Variants in PRDM16 observed in about 807,000 individuals in gnomAD.
The protein encoded by PRDM16 is histone-lysine N-methyltransferase PRDM16.
In PRDM16, 23 loss-of-function variants were observed where a neutral mutation model predicts 110.6. That is an observed-to-expected ratio of 0.21 (90% CI 0.15 to 0.29). The LOEUF is 0.29. Ranked by LOEUF, PRDM16 falls within the 10% of genes least tolerant of loss-of-function variation. The pLI, the probability that PRDM16 is intolerant of heterozygous loss-of-function variation, is 1.00. For synonymous variants in PRDM16, 799 were observed against 781.8 expected, an observed-to-expected ratio of 1.02 and a Z score of -0.37; for missense variants, 1,615 against 1,794.3, an observed-to-expected ratio of 0.90 and a Z score of 1.81.
At chr1:3,124,428 C>T (rs984554882) in intron 1 of PRDM16, among the ~76,000 whole-genome samples, 1 of 152,186 alleles carries the variant, frequency 6.6e-6, no homozygotes, top group African/African-American at 2.4e-5. Context: ...CCTCTGCTCC[C>T]GTGGCCTCTA....
intron 2 of PRDM16, among the ~76,000 whole-genome samples, chr1:3,225,569 T>TGCGCGCGCGCGC (rs1431851886): frequency 8.2e-6 from 1 of 121,642 alleles, no homozygotes; most frequent in African/African-American, 3.8e-5. Context: ...TGTGTGTGTG[T>TGCGCGCGCGCGC]GTGTGCGCGC....
intron 10 of PRDM16, among the ~76,000 whole-genome samples, chr1:3,415,403 C>T (rs760630904): frequency 2.8e-4 from 42 of 152,356 alleles, no homozygotes; most frequent in Non-Finnish European, 5.0e-4. Flanking sequence ...CAGACCAGAC[C>T]GGGGCATTGT....
rs865919145 is a variant in PRDM16, at chr1:3,277,735, A to G, written c.438+33598A>G. 7.3e-4 allele frequency among the ~76,000 whole-genome samples: 104 copies of G among 142,276 alleles called. 1 individual carries two copies. Among genetic ancestry groups the G allele is most frequent in the Non-Finnish European group, 7.8e-4 (52 of 66,578 alleles). The allele number at this position is 142,276 out of a possible 152,430, so 93.3% of individuals were successfully genotyped here. A position where few individuals can be genotyped will look rare whatever the true frequency, so the allele number is the denominator to read the frequency against. On this transcript the variant is annotated intron_variant, in intron 3 of 16. Transcript: ENST00000270722. ...CCCACATGCACACACACACGCGCGC[A>G]CACACGCACACGCACACACATGCAC...
At chr1:3,335,631 A>ACACACACACACC (rs1553165017) in intron 3 of PRDM16, among the ~76,000 whole-genome samples, 34 of 151,964 alleles carry the variant, frequency 2.2e-4, no homozygotes, top group African/African-American at 8.2e-4. Context: ...ACACACACAC[A>ACACACACACACC]CACACACACA....
Position 3,209,087 on chromosome 1 carries a change from T to C in PRDM16, c.387+22613T>C, listed in dbSNP as rs918482580. On this transcript the variant is annotated intron_variant, in intron 2 of 16. Coordinates refer to ENST00000270722, the MANE Select transcript of PRDM16 (RefSeq NM_022114.4). The surrounding 1 kb of genome is among the most constrained non-coding windows in gnomAD (Gnocchi z 4.6). ...AATTCAGAAGGAGCTCAGAAGGGAA[T>C]GCCCTGTGCCAACCTAAACCTGGGG... is the stretch of plus-strand genomic sequence containing the variant. Among the ~76,000 whole-genome samples, 1 of 152,202 alleles carries C rather than the reference T, an allele frequency of 6.6e-6. No homozygotes were observed. The highest frequency in any genetic ancestry group is 2.4e-5 in the African/African-American group (1 of 41,448).
chr1:3,087,959 G>A (rs370860832), intron 1 of PRDM16, among the ~76,000 whole-genome samples: 10 of 151,978 alleles, frequency 6.6e-5, no homozygotes, highest in African/African-American at 7.2e-5. Context: ...TCCGTCCCCC[G>A]AGACACCCCT....
chr1:3,202,573 G>A (rs1638656414), intron 2 of PRDM16, among the ~76,000 whole-genome samples: 1 of 152,220 alleles, frequency 6.6e-6, no homozygotes, highest in South Asian at 2.1e-4. Flanking sequence ...GTCCCCTTAA[G>A]GGTCTGCAGG....
rs1642525572 is a variant in PRDM16, at chr1:3,353,026, A to G, written c.439-32126A>G. Among the ~76,000 whole-genome samples the G allele has an allele frequency of 3.3e-5, 5 of 152,176 alleles. No individual in the cohort carries two copies. In the South Asian group the frequency reaches 1.0e-3, roughly 31 times the overall value. ...CCGGTTGGGCTGAGGGCTGTTTCAG[A>G]GCAGTGCCCTGAGGAGGACCAGGCC... On this transcript the variant is annotated intron_variant, in intron 3 of 16. Coordinates refer to ENST00000270722, the MANE Select transcript of PRDM16 (RefSeq NM_022114.4). The surrounding 1 kb of genome is among the most constrained non-coding windows in gnomAD (Gnocchi z 5.4).
intron 3 of PRDM16, among the ~76,000 whole-genome samples, chr1:3,341,061 GCCCCCTGAGCCCTCGTTTCTC>G (rs368493588): frequency 0.023 from 3,052 of 130,880 alleles, 103 homozygotes; most frequent in African/African-American, 0.074. Context: ...CCAAGTTGCT[GCCCCCTGAGCCCTCGTTTCTC>G]CCCCTCTGAG....
intron 3 of PRDM16, among the ~76,000 whole-genome samples, chr1:3,319,342 G>A (rs906441783): frequency 2.0e-5 from 3 of 152,214 alleles, no homozygotes; most frequent in South Asian, 4.1e-4. Context: ...GGGCAAAAAG[G>A]TCACTGTTTT....
At chr1:3,070,256 G>A (rs1316229162) in intron 1 of PRDM16, among the ~76,000 whole-genome samples, 2 of 150,002 alleles carry the variant, frequency 1.3e-5, no homozygotes, top group Non-Finnish European at 3.0e-5. Context: ...GGCTCCGCGC[G>A]CCCCGCCTGC....
At chr1:3,192,621 C>G (rs1454403834) in intron 2 of PRDM16, among the ~76,000 whole-genome samples, 1 of 152,104 alleles carries the variant, frequency 6.6e-6, no homozygotes, top group Admixed American at 6.5e-5. Flanking sequence ...TCCGTCGGTC[C>G]TGGGCTGGGG....
intron 3 of PRDM16, among the ~76,000 whole-genome samples, chr1:3,329,057 C>T (rs1641986402): frequency 6.6e-6 from 1 of 152,166 alleles, no homozygotes; most frequent in Non-Finnish European, 1.5e-5. Flanking sequence ...TCCCTGGGCC[C>T]CTCCTAGGAA....
intron 3 of PRDM16, among the ~76,000 whole-genome samples, chr1:3,364,963 G>A (rs1355036930): frequency 1.3e-5 from 2 of 152,216 alleles, no homozygotes. Context: ...GTGCAGCCTG[G>A]GAAAGCCTTA....
At chr1:3,248,436 A>G (rs968280189) in intron 3 of PRDM16, among the ~76,000 whole-genome samples, 1 of 152,080 alleles carries the variant, frequency 6.6e-6, no homozygotes, top group East Asian at 1.9e-4. Context: ...CCGCTTCTCT[A>G]TCCCCCTCCT....
chr1:3,131,771 A>G (rs1213412687), intron 1 of PRDM16, among the ~76,000 whole-genome samples: 1 of 152,180 alleles, frequency 6.6e-6, no homozygotes, highest in African/African-American at 2.4e-5. Context: ...CAAACCTCAC[A>G]GGGGAGGCCG....
intron 1 of PRDM16, among the ~76,000 whole-genome samples, chr1:3,101,272 C>T (rs1642527074): frequency 6.6e-6 from 1 of 152,214 alleles, no homozygotes; most frequent in East Asian, 1.9e-4. Context: ...AGCTAATCAC[C>T]AGCCATCGTG....
intron 3 of PRDM16, among the ~76,000 whole-genome samples, chr1:3,383,532 G>T (rs938924630): frequency 8.5e-5 from 13 of 152,126 alleles, no homozygotes; most frequent in African/African-American, 3.1e-4. Context: ...AGAGACCGGG[G>T]CACGTGGACC....
In PRDM16 at chr1:3,081,587, A is replaced by G. The variant is rs1020396120; in HGVS notation, c.37+12291A>G. 6.6e-6 allele frequency among the ~76,000 whole-genome samples: 1 copy of G among 152,194 alleles called. No homozygotes were observed. Among genetic ancestry groups the G allele is most frequent in the Non-Finnish European group, 1.5e-5 (1 of 68,034 alleles). On this transcript the variant is annotated intron_variant, in intron 1 of 16. Transcript: ENST00000270722. The surrounding 1 kb of genome is among the most constrained non-coding windows in gnomAD (Gnocchi z 4.6). ...ATCACCTACAGGGATGGCGGCGGCC[A>G]GGGTTGGTCTTCCTTCTGTGAGCAC... is the stretch of plus-strand genomic sequence containing the variant.
Sources: allele counts gnomAD v4.1 joint callset (sites outside exome capture counted in the v4.1 genomes callset), GRCh38; gene constraint gnomAD v4.1.1; non-coding constraint Gnocchi (gnomAD v3.1); transcripts MANE v1.5; gene names NCBI Gene and HGNC (gene_info 2026-07-23, HGNC 2026-07-21).